Variants in TNR observed in about 807,000 individuals in gnomAD.
TNR encodes tenascin R.
Under a neutral mutation model 150.4 loss-of-function variants are expected in TNR, and 45 were observed. That is an observed-to-expected ratio of 0.30 (90% CI 0.24 to 0.38). TNR has a LOEUF of 0.38. Among genes scored for constraint, TNR ranks in the 10% least tolerant of loss-of-function variants. The probability of loss-of-function intolerance (pLI) is 1.00; values close to 1 mark genes in which losing one functional copy is unlikely to be tolerated. For missense variants in TNR, 1,544 were observed against 1,759.1 expected, an observed-to-expected ratio of 0.88 and a Z score of 2.19; for synonymous variants, 687 against 678.4, an observed-to-expected ratio of 1.01 and a Z score of -0.20.
At chr1:175,523,926 G>A (rs1232140303) in intron 2 of TNR, among the ~76,000 whole-genome samples, 2 of 152,074 alleles carry the variant, frequency 1.3e-5, no homozygotes, top group African/African-American at 2.4e-5. Context: ...GCGTCTACAC[G>A]TCAGGCTGCT....
intron 2 of TNR, among the ~76,000 whole-genome samples, chr1:175,487,304 G>C (rs996111160): frequency 6.6e-6 from 1 of 152,174 alleles, no homozygotes; most frequent in African/African-American, 2.4e-5. Context: ...GTGGAGCTCA[G>C]GTGGTAATGC....
chr1:175,499,879 G>T (rs1306508665), intron 2 of TNR, among the ~76,000 whole-genome samples: 1 of 152,118 alleles, frequency 6.6e-6, no homozygotes, highest in African/African-American at 2.4e-5. Context: ...AACTACTGTT[G>T]CCCCTAAGAT....
chr1:175,644,083 T>C (rs1664743044), intron 1 of TNR, among the ~76,000 whole-genome samples: 1 of 152,250 alleles, frequency 6.6e-6, no homozygotes, highest in East Asian at 1.9e-4. Flanking sequence ...CAGAAATGTG[T>C]ATTGCCTAAT....
At chr1:175,338,506 T>C (rs6701342) in intron 18 of TNR, among the ~76,000 whole-genome samples, 114,789 of 151,942 alleles carry the variant, frequency 0.76, 43,528 homozygotes, top group African/African-American at 0.81. Flanking sequence ...GCTGCTAGAG[T>C]GAGCTAAAGG....
chr1:175,537,836 G>A (rs931788316), intron 1 of TNR, among the ~76,000 whole-genome samples: 13 of 152,158 alleles, frequency 8.5e-5, no homozygotes, highest in African/African-American at 3.1e-4. Context: ...TGTGAGCCAG[G>A]GCCTGCTTCT....
At chr1:175,369,095 T>A (rs1258632855) in intron 9 of TNR, among the ~76,000 whole-genome samples, 2 of 152,224 alleles carry the variant, frequency 1.3e-5, no homozygotes, top group Non-Finnish European at 2.9e-5. Context: ...CATGGCTGAT[T>A]GGAATGGTAT....
At chr1:175,587,402 TC>T (rs1470076737) in intron 1 of TNR, among the ~76,000 whole-genome samples, 9 of 152,250 alleles carry the variant, frequency 5.9e-5, no homozygotes, top group African/African-American at 1.9e-4. Flanking sequence ...CTTTTGAGCT[TC>T]AGTTTTCTCT....
Position 175,365,964 on chromosome 1 carries a change from T to A in TNR, c.2228A>T (p.Asp743Val). The A allele has an allele frequency of 6.2e-7, 1 of 1,614,080 alleles. No homozygotes were observed. Among genetic ancestry groups the A allele is most frequent in the Non-Finnish European group, 8.5e-7 (1 of 1,179,990 alleles). ...GATGTACTCTGCCCCAGGCTCTAGA[T>A]CTGTTAGTGTGTATGAGGTCCTGTC... ...PKDRTSYTLT[D>V]LEPGAEYIIS... is the part of the protein sequence containing the mutation. The change falls in exon 11 of 23, where the codon GAT (aspartate) becomes GTT (valine). Residue 743 changes from aspartate (D) to valine (V), a missense_variant. Physicochemically the swap from Asp to Val is radical, Grantham distance 152. Around this residue, in one of 2 missense-constraint regions of TNR, gnomAD observed 1,254 missense variants for 1,329.4 expected, o/e 0.94. Transcript: ENST00000367674.
chr1:175,403,146 A>G lies in TNR; in HGVS notation c.970T>C (p.Ser324Pro), dbSNP rs575783845. 8.1e-6 allele frequency: 13 copies of G among 1,609,096 alleles called. No homozygotes were observed. The highest frequency in any genetic ancestry group is 5.0e-5 in the Admixed American group (3 of 59,894). ...AGAGAGTTCCCCTGCCTACCTGCTG[A>G]GCAGTCAGGGCCCTGGTAGCCCTCT... Reference protein sequence around the residue: ...CEEGYQGPDCSAVAPPEDLRV... With the variant: ...CEEGYQGPDCPAVAPPEDLRV... Residue 324 changes from serine (S) to proline (P), a missense_variant, in exon 4 of 23, where the codon TCA becomes CCA. Ser to Pro is a moderately conservative substitution (Grantham distance 74, BLOSUM62 -1). Coordinates refer to ENST00000367674, the MANE Select transcript of TNR (RefSeq NM_003285.3).
At chr1:175,355,382 GCA>G (rs55715761) in intron 17 of TNR, 119 bp downstream of exon 17, 1,073,263 of 1,398,022 alleles carry the variant, frequency 0.77, 414,751 homozygotes, top group East Asian at 0.83. Context: ...AAGCTGATGA[GCA>G]ATCCTTGTGG....
At chr1:175,555,519 A>G (rs1389800549) in intron 1 of TNR, among the ~76,000 whole-genome samples, 2 of 111,764 alleles carry the variant, frequency 1.8e-5, no homozygotes, top group Non-Finnish European at 4.3e-5. Context: ...CTGAGAGAAA[A>G]AAAAAAAAAA....
chr1:175,720,976 C>G (rs1216422878), intron 1 of TNR, among the ~76,000 whole-genome samples: 1 of 152,202 alleles, frequency 6.6e-6, no homozygotes, highest in Non-Finnish European at 1.5e-5. Flanking sequence ...TTGCCCAACC[C>G]TCTCATTTTT....
intron 2 of TNR, among the ~76,000 whole-genome samples, chr1:175,473,186 A>G (rs1657372553): frequency 6.6e-6 from 1 of 152,172 alleles, no homozygotes; most frequent in African/African-American, 2.4e-5. Flanking sequence ...CTGAGACTCC[A>G]TCTTAGGCAG....
chr1:175,602,203 CAAAAAAAAAAAAAA>C (rs57341654), intron 1 of TNR, among the ~76,000 whole-genome samples: 9 of 30,532 alleles, frequency 2.9e-4, no homozygotes, highest in Non-Finnish European at 5.7e-4. Context: ...GGACCAAAGG[CAAAAAAAAAAAAAA>C]AAAAAAAAAA....
intron 2 of TNR, among the ~76,000 whole-genome samples, chr1:175,456,878 T>G (rs1656594741): frequency 6.6e-6 from 1 of 152,198 alleles, no homozygotes. Flanking sequence ...GTCAGGGCAG[T>G]AAGGGGAAAC....
At chr1:175,696,775 A>T (rs1443124972) in intron 1 of TNR, among the ~76,000 whole-genome samples, 1 of 151,592 alleles carries the variant, frequency 6.6e-6, no homozygotes, top group Non-Finnish European at 1.5e-5. Context: ...GCTACTCAGG[A>T]GGCTGAGGGA....
At chr1:175,668,429 G>A (rs1379710645) in intron 1 of TNR, among the ~76,000 whole-genome samples, 1 of 152,126 alleles carries the variant, frequency 6.6e-6, no homozygotes, top group Non-Finnish European at 1.5e-5. Flanking sequence ...ACCCATGCCT[G>A]CAATCTGGCA....
intron 2 of TNR, among the ~76,000 whole-genome samples, chr1:175,494,122 G>C (rs1026133069): frequency 2.0e-5 from 3 of 151,870 alleles, no homozygotes; most frequent in African/African-American, 7.3e-5. Context: ...TCACTGTGCC[G>C]CCCTTCTCTC....
intron 1 of TNR, among the ~76,000 whole-genome samples, chr1:175,558,327 T>TGCCAC (rs1322057252): frequency 1.1e-4 from 16 of 152,190 alleles, no homozygotes; most frequent in African/African-American, 3.6e-4. Flanking sequence ...TTTTTTAAAA[T>TGCCAC]AATTATCTTA....
Sources: allele counts gnomAD v4.1 joint callset (sites outside exome capture counted in the v4.1 genomes callset), GRCh38; gene constraint gnomAD v4.1.1; regional missense constraint gnomAD v4.1.1; transcripts MANE v1.5; gene names NCBI Gene and HGNC (gene_info 2026-07-23, HGNC 2026-07-21).